GABBR2: variants seen among roughly 807,000 people sequenced by gnomAD.
GABBR2 encodes gamma-aminobutyric acid type B receptor subunit 2.
Under a neutral mutation model 105.6 loss-of-function variants are expected in GABBR2, and 23 were observed. The ratio of observed to expected loss-of-function variants is 0.22; its 90% CI spans 0.16 to 0.31. The LOEUF is 0.31. Ranked by LOEUF, GABBR2 falls within the 10% of genes least tolerant of loss-of-function variation. The pLI, the probability that GABBR2 is intolerant of heterozygous loss-of-function variation, is 1.00. For missense variants in GABBR2, 734 were observed against 1,245.5 expected, an observed-to-expected ratio of 0.59 and a Z score of 6.18; for synonymous variants, 478 against 499.7, an observed-to-expected ratio of 0.96 and a Z score of 0.58.
At chr9:98,369,168 A>G (rs1245048046) in intron 12 of GABBR2, among the ~76,000 whole-genome samples, 5 of 152,142 alleles carry the variant, frequency 3.3e-5, no homozygotes, top group African/African-American at 4.8e-5. Flanking sequence ...CAGGCCTCTC[A>G]TCTTACGGAG....
chr9:98,423,543 C>T (rs1832821791), intron 7 of GABBR2, among the ~76,000 whole-genome samples: 1 of 152,162 alleles, frequency 6.6e-6, no homozygotes, highest in Admixed American at 6.5e-5. Context: ...AATTTTCTCC[C>T]ATTCTGTAGG....
intron 13 of GABBR2, among the ~76,000 whole-genome samples, chr9:98,357,953 G>A (rs186826369): frequency 6.6e-6 from 1 of 152,316 alleles, no homozygotes; most frequent in East Asian, 1.9e-4. Flanking sequence ...GCGTGTGAAA[G>A]CCTGTTTTGG....
intron 1 of GABBR2, among the ~76,000 whole-genome samples, chr9:98,693,001 C>G (rs905548107): frequency 1.3e-5 from 2 of 152,200 alleles, no homozygotes; most frequent in Non-Finnish European, 2.9e-5. Context: ...TCTGGGCTTT[C>G]TCTTGGCAAT....
chr9:98,600,154 A>G (rs1019142550), intron 1 of GABBR2, among the ~76,000 whole-genome samples: 1 of 152,122 alleles, frequency 6.6e-6, no homozygotes, highest in East Asian at 1.9e-4. Context: ...GCAGCCCCCC[A>G]AATCTCCCCT....
intron 1 of GABBR2, among the ~76,000 whole-genome samples, chr9:98,639,290 G>A (rs1203402717): frequency 6.6e-6 from 1 of 152,086 alleles, no homozygotes; most frequent in Non-Finnish European, 1.5e-5. Context: ...CTCCTAGATG[G>A]GCCAGCAATC....
At chr9:98,304,608 A>C (rs1830521157) in intron 15 of GABBR2, among the ~76,000 whole-genome samples, 2 of 152,232 alleles carry the variant, frequency 1.3e-5, no homozygotes, top group African/African-American at 4.8e-5. Context: ...CAGAGCTCAC[A>C]GTGCCTGGGG....
chr9:98,500,835 C>T lies in GABBR2; in HGVS notation c.631-4321G>A, dbSNP rs1033572954. Among the ~76,000 whole-genome samples the T allele has an allele frequency of 8.5e-5, 13 of 152,260 alleles. No individual in the cohort carries two copies. In the East Asian group the frequency reaches 2.5e-3, roughly 29 times the overall value. ...GGCCCCTGCACCAGTAACACCAGCA[C>T]CATCTGAGAACTTGCTAAAAATGCA... is the stretch of plus-strand genomic sequence containing the variant. On this transcript the variant is annotated intron_variant, in intron 3 of 18. Transcript: ENST00000259455.
intron 1 of GABBR2, among the ~76,000 whole-genome samples, chr9:98,656,240 T>A (rs749583688): frequency 1.3e-5 from 2 of 152,042 alleles, no homozygotes; most frequent in South Asian, 4.2e-4. Flanking sequence ...AGGGTGGATA[T>A]GGCGGAGAGG....
At chr9:98,563,948 A>G (rs997557736) in intron 2 of GABBR2, among the ~76,000 whole-genome samples, 3 of 152,238 alleles carry the variant, frequency 2.0e-5, no homozygotes, top group Non-Finnish European at 4.4e-5. Context: ...TATAAGTACT[A>G]TTCTTGAAAT....
chr9:98,413,863 A>G (rs1564058307), intron 7 of GABBR2, among the ~76,000 whole-genome samples: 1 of 152,224 alleles, frequency 6.6e-6, no homozygotes, highest in South Asian at 2.1e-4. Context: ...CCTTCCACTT[A>G]TTATAATAAG....
Position 98,589,442 on chromosome 9 carries a change from G to A in GABBR2, c.322-11370C>T, listed in dbSNP as rs566670465. Among the ~76,000 whole-genome samples, 3 of 152,324 alleles carry A rather than the reference G, an allele frequency of 2.0e-5. No homozygotes were observed. In the East Asian group the frequency reaches 5.8e-4, roughly 29 times the overall value. On this transcript the variant is annotated intron_variant, in intron 1 of 18. Transcript: ENST00000259455. ...CATGAAACTTCTGGGCTATAGAGGTGTAGTCACTACAGAGAGGCCGCATCA... is the reference window on the plus strand; with the variant it reads ...CATGAAACTTCTGGGCTATAGAGGTATAGTCACTACAGAGAGGCCGCATCA...
At chr9:98,682,816 C>T (rs527975472) in intron 1 of GABBR2, among the ~76,000 whole-genome samples, 1 of 152,234 alleles carries the variant, frequency 6.6e-6, no homozygotes, top group Non-Finnish European at 1.5e-5. Context: ...ATACATTCAA[C>T]CTTTCTGATA....
At chr9:98,474,089 A>T (rs1267927317) in intron 5 of GABBR2, among the ~76,000 whole-genome samples, 1 of 152,152 alleles carries the variant, frequency 6.6e-6, no homozygotes, top group African/African-American at 2.4e-5. Context: ...TATATCTTAC[A>T]TGGATCTTAT....
intron 1 of GABBR2, among the ~76,000 whole-genome samples, chr9:98,693,469 G>A (rs1434957008): frequency 6.6e-6 from 1 of 152,188 alleles, no homozygotes; most frequent in Non-Finnish European, 1.5e-5. Flanking sequence ...GGTCTCCCTT[G>A]CAGATCATTT....
chr9:98,453,940 A>G (rs1427792382), intron 7 of GABBR2, 41 bp downstream of exon 7: 3 of 1,348,574 alleles, frequency 2.2e-6, no homozygotes, highest in Non-Finnish European at 3.2e-6. Context: ...GCATGTTTAC[A>G]AGGAACACTA....
intron 1 of GABBR2, among the ~76,000 whole-genome samples, chr9:98,669,300 T>G (rs1830377697): frequency 6.6e-6 from 1 of 152,216 alleles, no homozygotes; most frequent in South Asian, 2.1e-4. Flanking sequence ...TGCATTTCCC[T>G]AAAGGTTGGT....
chr9:98,684,169 TAAAAAAAAAA>T (rs3032196), intron 1 of GABBR2, among the ~76,000 whole-genome samples: 4 of 66,140 alleles, frequency 6.0e-5, no homozygotes, highest in Admixed American at 2.1e-4. Flanking sequence ...TTTACCACGG[TAAAAAAAAAA>T]AAAAAAAAAA....
At chr9:98,394,577 ACATTCCCC>A (rs1413235091) in intron 8 of GABBR2, among the ~76,000 whole-genome samples, 1 of 152,170 alleles carries the variant, frequency 6.6e-6, no homozygotes, top group Admixed American at 6.5e-5. Flanking sequence ...TTTCCCTGTA[ACATTCCCC>A]CTGCTCAACT....
chr9:98,590,205 C>A (rs1829127915), intron 1 of GABBR2, among the ~76,000 whole-genome samples: 1 of 152,192 alleles, frequency 6.6e-6, no homozygotes, highest in African/African-American at 2.4e-5. Flanking sequence ...TCCCAAACAG[C>A]TTATTAACTC....
Sources: gnomAD v4.1 joint callset for allele counts (sites outside exome capture counted in the v4.1 genomes callset) on GRCh38, gnomAD v4.1.1 for gene constraint, MANE v1.5 for transcripts, NCBI Gene and HGNC (gene_info 2026-07-23, HGNC 2026-07-21) for gene names.